Variants in AVEN observed in about 807,000 individuals in gnomAD.
The protein encoded by AVEN is apoptosis and caspase activation inhibitor.
Under a neutral mutation model 38.1 loss-of-function variants are expected in AVEN, and 41 were observed. The ratio of observed to expected loss-of-function variants is 1.08; its 90% CI spans 0.84 to 1.40. The LOEUF (loss-of-function observed/expected upper bound fraction) is 1.40. Ranked by LOEUF, AVEN falls within the 40% of genes most tolerant of loss-of-function variation. The pLI, the probability that AVEN is intolerant of heterozygous loss-of-function variation, is 0.00. For synonymous variants in AVEN, 206 were observed against 171.8 expected, an observed-to-expected ratio of 1.20 and a Z score of -1.56; for missense variants, 605 against 438.8, an observed-to-expected ratio of 1.38 and a Z score of -3.38.
intron 2 of AVEN, among the ~76,000 whole-genome samples, chr15:33,877,227 C>A (rs1449272935): frequency 1.3e-5 from 2 of 152,048 alleles, no homozygotes; most frequent in Non-Finnish European, 2.9e-5. Flanking sequence ...AACAAACACA[C>A]CAATCTTCTC....
At chr15:33,873,379 CGTGAG>C in intron 3 of AVEN, among the ~76,000 whole-genome samples, 1 of 150,442 alleles carries the variant, frequency 6.6e-6, no homozygotes, top group South Asian at 2.1e-4. Context: ...GGATTATAGG[CGTGAG>C]CCACTGCGCC....
At chr15:33,860,802 C>T (rs1458992302) in intron 11 of AVEN, 5 of 708,626 alleles carry the variant, frequency 7.1e-6, no homozygotes, top group African/African-American at 5.5e-5. Context: ...GTTCTCTGCA[C>T]CCTGCCATAC....
downstream of AVEN, chr15:33,864,207 A>T: frequency 6.3e-7 from 1 of 1,595,168 alleles, no homozygotes; most frequent in African/African-American, 1.3e-5. Context: ...ATTAAGAATC[A>T]TATACCCGTG....
At chr15:33,930,954 C>CA (rs61006422) in intron 2 of AVEN, among the ~76,000 whole-genome samples, 2,709 of 111,760 alleles carry the variant, frequency 0.024, 33 homozygotes, top group African/African-American at 0.054. Flanking sequence ...GACTCTGTCT[C>CA]AAAAAAAAAA....
intron 1 of AVEN, among the ~76,000 whole-genome samples, chr15:34,028,928 C>A (rs1370238174): frequency 6.6e-6 from 1 of 151,988 alleles, no homozygotes; most frequent in Non-Finnish European, 1.5e-5. Context: ...GAAAGTAAGG[C>A]AAAAAGCAGA....
chr15:33,929,659 C>A (rs1028402373), intron 2 of AVEN, among the ~76,000 whole-genome samples: 5 of 152,188 alleles, frequency 3.3e-5, no homozygotes, highest in South Asian at 2.1e-4. Flanking sequence ...TAAATTTGCA[C>A]ACAAAATGGG....
intron 1 of AVEN, among the ~76,000 whole-genome samples, chr15:34,010,360 ACTT>A (rs1897585070): frequency 6.6e-6 from 1 of 152,338 alleles, no homozygotes; most frequent in Admixed American, 6.5e-5. Context: ...CCAAGAGAAT[ACTT>A]ACAGATTATC....
In AVEN at chr15:33,890,123, T is replaced by C. The variant is rs151039182; in HGVS notation, c.446-14128A>G. 3.0e-3 allele frequency among the ~76,000 whole-genome samples: 455 copies of C among 152,360 alleles called. 2 individuals carry two copies. Among genetic ancestry groups the C allele is most frequent in the African/African-American group, 0.011 (444 of 41,590 alleles). ...TTTGTTCATTGATGCAAAACATTTT[T>C]TGGTTTTCTGGTTTTTTTACTTCCT... is the stretch of plus-strand genomic sequence containing the variant. On this transcript the variant is annotated intron_variant, in intron 2 of 5. Transcript: ENST00000306730.
At chr15:33,880,101 T>TAACA (rs991836843) in intron 2 of AVEN, among the ~76,000 whole-genome samples, 1 of 151,808 alleles carries the variant, frequency 6.6e-6, no homozygotes, top group Non-Finnish European at 1.5e-5. Flanking sequence ...AAAACCCTCT[T>TAACA]AACAAACAAA....
chr15:33,953,399 C>G (rs906136799), intron 2 of AVEN, among the ~76,000 whole-genome samples: 1 of 152,152 alleles, frequency 6.6e-6, no homozygotes, highest in African/African-American at 2.4e-5. Flanking sequence ...TACTACAAGG[C>G]TACAGTAACC....
chr15:33,916,816 G>GA (rs1042238464), intron 2 of AVEN, among the ~76,000 whole-genome samples: 142 of 143,470 alleles, frequency 9.9e-4, no homozygotes, highest in South Asian at 3.3e-3. Context: ...GGGTAATTTA[G>GA]AAAAAAAAAA....
At chr15:33,960,420 CGT>C (rs530669371) in intron 2 of AVEN, among the ~76,000 whole-genome samples, 2 of 143,208 alleles carry the variant, frequency 1.4e-5, no homozygotes, top group Non-Finnish European at 1.5e-5. Flanking sequence ...GTCTGTGTCT[CGT>C]GTGTGTGTGT....
chr15:33,997,470 A>G (rs148800612), intron 2 of AVEN, among the ~76,000 whole-genome samples: 1 of 152,126 alleles, frequency 6.6e-6, no homozygotes, highest in African/African-American at 2.4e-5. Flanking sequence ...CTCCACACCA[A>G]CTCACAGCCA....
At chr15:33,960,822 T>G (rs1395547452) in intron 2 of AVEN, among the ~76,000 whole-genome samples, 1 of 152,148 alleles carries the variant, frequency 6.6e-6, no homozygotes. Context: ...GGAGCAGAGT[T>G]TATCCCTTAG....
chr15:34,039,458 CAA>C (rs199792519), upstream of AVEN, among the ~76,000 whole-genome samples: 567 of 152,168 alleles, frequency 3.7e-3, 6 homozygotes, highest in African/African-American at 0.013. Context: ...AAGGTCTAAA[CAA>C]ATACATACTA....
At chr15:33,952,504 A>G (rs1450788889) in intron 2 of AVEN, among the ~76,000 whole-genome samples, 1 of 152,218 alleles carries the variant, frequency 6.6e-6, no homozygotes, top group Non-Finnish European at 1.5e-5. Flanking sequence ...ATACCAACAT[A>G]CTCAATGGCA....
At chr15:33,915,687 G>C (rs1467725208) in intron 2 of AVEN, among the ~76,000 whole-genome samples, 2 of 152,188 alleles carry the variant, frequency 1.3e-5, no homozygotes, top group African/African-American at 4.8e-5. Flanking sequence ...GAGAGGGGAT[G>C]AATCAGGAGT....
intron 4 of AVEN, among the ~76,000 whole-genome samples, chr15:33,869,245 C>A (rs535480226): frequency 6.6e-6 from 1 of 152,208 alleles, no homozygotes; most frequent in East Asian, 1.9e-4. Context: ...CCAGGTGATT[C>A]TAATGTGCAA....
intron 2 of AVEN, among the ~76,000 whole-genome samples, chr15:33,904,256 C>T (rs1395603707): frequency 6.6e-6 from 1 of 152,152 alleles, no homozygotes; most frequent in Non-Finnish European, 1.5e-5. Flanking sequence ...CCTGTCTCTA[C>T]AAAATATTTA....
Sources: gnomAD v4.1 joint callset for allele counts (sites outside exome capture counted in the v4.1 genomes callset) on GRCh38, gnomAD v4.1.1 for gene constraint, MANE v1.5 for transcripts, NCBI Gene and HGNC (gene_info 2026-07-23, HGNC 2026-07-21) for gene names.